SEC24C: variants seen among roughly 807,000 people sequenced by gnomAD.
SEC24C encodes SEC24 homolog C, COPII component.
A neutral mutation model predicts 117.0 loss-of-function variants in SEC24C; 22 were observed. The ratio of observed to expected loss-of-function variants is 0.19; its 90% CI spans 0.13 to 0.27. The LOEUF is 0.27. SEC24C is among the 10% of genes least tolerant of loss of function. SEC24C has a pLI of 1.00. For missense variants in SEC24C, 1,155 were observed against 1,375.1 expected (o/e 0.84, Z 2.53); for synonymous variants, 506 against 529.4 (o/e 0.96, Z 0.61).
intron 6 of SEC24C, chr10:73,761,955 G>A: frequency 2.3e-6 from 1 of 437,860 alleles, no homozygotes. Context: ...CATATCTAGA[G>A]GGGGCTTGAT....
Position 73,770,028 on chromosome 10 carries a change from G to A in SEC24C, c.2862+13G>A, listed in dbSNP as rs2082948920. On this transcript the variant is annotated intron_variant, in intron 20 of 22. Transcript: ENST00000345254. ...GCTCTTACCTTTGGTGCGATTGAGG[G>A]TTGGAGTATGAGATCTTGCACGGAG... 1 of 1,613,430 alleles carries A rather than the reference G, an allele frequency of 6.2e-7. No individual in the cohort carries two copies. Among genetic ancestry groups the A allele is most frequent in the Non-Finnish European group, 8.5e-7 (1 of 1,179,472 alleles).
chr10:73,745,571 G>A (rs1366212512), intron 1 of SEC24C, among the ~76,000 whole-genome samples: 2 of 102,128 alleles, frequency 2.0e-5, no homozygotes, highest in African/African-American at 3.3e-5. Flanking sequence ...TTTTTTGAAA[G>A]GGCGTCTTGC....
rs148462971 is a variant in SEC24C at position 73,769,143 on chromosome 10, T to C, written c.2415T>C (p.Ala805=). The C allele has an allele frequency of 1.2e-6, 2 of 1,613,864 alleles. No individual in the cohort carries two copies. Among genetic ancestry groups the C allele is most frequent in the Non-Finnish European group, 1.7e-6 (2 of 1,179,962 alleles). Residue 805 remains alanine, a synonymous_variant, in exon 17 of 23, where the codon GCT becomes GCC. Transcript: ENST00000345254. The surrounding 1 kb of genome is among the most constrained non-coding windows in gnomAD (Gnocchi z 4.5). ...ATCGGCTCAATGAAGAGAGCGGAGC[T>C]CTCCTGCAGGTGGCAGGCGGGAGGC... ...HDDRLNEESG[A]LLQCALLYTS...
intron 20 of SEC24C, 36 bp from the exon 21 acceptor site, chr10:73,770,244 T>A: frequency 6.4e-7 from 1 of 1,559,876 alleles, no homozygotes; most frequent in East Asian, 2.2e-5. Context: ...TGTCTTATGG[T>A]CCTTGGTAAC....
chr10:73,771,261 ACT>A lies in SEC24C; in HGVS notation c.*169_*170del, dbSNP rs1294370141. On this transcript the variant is annotated 3_prime_UTR_variant, in exon 23 of 23. Transcript: ENST00000345254. ...TCTTTCTGGGCTCAAGTATCCTGCCACTCTGTCATGTCCTGCTGATGGAAGGT... is the reference window on the plus strand; with the variant it reads ...TCTTTCTGGGCTCAAGTATCCTGCCACTGTCATGTCCTGCTGATGGAAGGT... 6.9e-6 allele frequency: 5 copies of A among 725,658 alleles called. No individual in the cohort carries two copies. The highest frequency in any genetic ancestry group is 3.6e-5 in the African/African-American group (2 of 56,008). The allele number at this position is 725,658 out of a possible 1,614,324, so 45.0% of individuals were successfully genotyped here. A position where few individuals can be genotyped will look rare whatever the true frequency, so the allele number is the denominator to read the frequency against.
intron 3 of SEC24C, among the ~76,000 whole-genome samples, chr10:73,757,096 T>C (rs918675315): frequency 6.7e-6 from 1 of 149,080 alleles, no homozygotes; most frequent in African/African-American, 2.5e-5. Context: ...ATTTTTTTAG[T>C]AGAGATGGAG....
Position 73,763,912 on chromosome 10 carries a change from G to A in SEC24C, c.1156G>A (p.Asp386Asn). The A allele has an allele frequency of 6.2e-7, 1 of 1,613,514 alleles. No homozygotes were observed. Among genetic ancestry groups the A allele is most frequent in the Non-Finnish European group, 8.5e-7 (1 of 1,179,824 alleles). Reference protein sequence around the residue: ...CTSYNIPCTSDMAKQAQVPLA... With the variant: ...CTSYNIPCTSNMAKQAQVPLA... ...ATCCTATAATATCCCTTGCACATCT[G>A]ACATGGCTAAGCAGGCTCAGGTGCC... Residue 386 changes from aspartate (D) to asparagine (N), a missense_variant, in exon 8 of 23, where the codon GAC becomes AAC. Transcript: ENST00000345254.
Position 73,769,854 on chromosome 10 carries a change from A to G in SEC24C, c.2701A>G (p.Met901Val), listed in dbSNP as rs1314447532. The G allele has an allele frequency of 1.2e-6, 2 of 1,614,070 alleles. No homozygotes were observed. The highest frequency in any genetic ancestry group is 1.7e-6 in the Non-Finnish European group (2 of 1,180,040). Residue 901 changes from methionine to valine, a missense_variant, in exon 20 of 23, where the codon ATG becomes GTG. Around this residue, in one of 2 missense-constraint regions of SEC24C, gnomAD observed 759 missense variants for 992.3 expected, o/e 0.76. Transcript: ENST00000345254. This position sits in a 1 kb window ranked among gnomAD's most constrained non-coding sequence, Gnocchi z 4.5. ...CCCTCAGTTGATCCTTCCTGAGTGC[A>G]TGAAGCTACTCCCAGTTTACCTGAA... ...SAGQLILPEC[M>V]KLLPVYLNCV... is the part of the protein sequence containing the mutation.
Position 73,763,482 on chromosome 10 carries a change from C to G in SEC24C, c.988-8C>G. On this transcript the variant is annotated splice_region_variant and splice_polypyrimidine_tract_variant and intron_variant, in intron 6 of 22. Transcript: ENST00000345254. ...TTCTGTCACCTCATTCATTGCACTT[C>G]TCTGCAGATTCAGGTCATTGAAGAT... is the stretch of plus-strand genomic sequence containing the variant. 1 of 1,576,584 alleles carries G rather than the reference C, an allele frequency of 6.3e-7. No homozygotes were observed. The highest frequency in any genetic ancestry group is 8.7e-7 in the Non-Finnish European group (1 of 1,146,654).
chr10:73,768,135 G>A lies in SEC24C; in HGVS notation c.2181+128G>A, dbSNP rs1565048392. On this transcript the variant is annotated intron_variant, in intron 15 of 22. Coordinates refer to ENST00000345254, the MANE Select transcript of SEC24C (RefSeq NM_198597.3). ...ACGGTGCCTCACACCTGTAATCCTAGCACTTTGGGAGGCTGAGGCAGGCAG... is the reference window on the plus strand; with the variant it reads ...ACGGTGCCTCACACCTGTAATCCTAACACTTTGGGAGGCTGAGGCAGGCAG... 1.8e-5 allele frequency: 15 copies of A among 841,328 alleles called. No homozygotes were observed. In the South Asian group the frequency reaches 2.5e-4, roughly 14 times the overall value. 52.1% of individuals were successfully genotyped at this position (841,328 alleles called of 1,614,324 possible). A position where few individuals can be genotyped will look rare whatever the true frequency, so the allele number is the denominator to read the frequency against.
At chr10:73,749,731 A>G (rs933964977) in intron 2 of SEC24C, among the ~76,000 whole-genome samples, 21 of 151,822 alleles carry the variant, frequency 1.4e-4, no homozygotes, top group Admixed American at 4.6e-4. Context: ...TTTAGTAGAG[A>G]CAGGGTTTCA....
chr10:73,770,325 G>A lies in SEC24C; in HGVS notation c.2908G>A (p.Ala970Thr), dbSNP rs2082956418. Reference protein sequence around the residue: ...ESTTEPPAVRASEERLSNGDI... With the variant: ...ESTTEPPAVRTSEERLSNGDI... ...TACTACCGAACCACCAGCAGTTCGA[G>A]CCTCTGAAGAGCGTCTAAGCAATGG... Residue 970 changes from alanine (A) to threonine (T), a missense_variant, in exon 21 of 23, where the codon GCC (alanine) becomes ACC (threonine). Transcript: ENST00000345254. The A allele has an allele frequency of 6.2e-7, 1 of 1,613,692 alleles. No homozygotes were observed. The highest frequency in any genetic ancestry group is 2.2e-5 in the East Asian group (1 of 44,880).
intron 1 of SEC24C, among the ~76,000 whole-genome samples, chr10:73,745,631 C>A (rs1304234230): frequency 2.0e-5 from 3 of 151,846 alleles, no homozygotes; most frequent in East Asian, 4.0e-4. Context: ...TTATTGCAAT[C>A]TCCGCCTCCC....
chr10:73,766,970 T>C, intron 13 of SEC24C, 84 bp from the exon 14 acceptor site: 2 of 1,381,986 alleles, frequency 1.4e-6, no homozygotes, highest in Non-Finnish European at 2.1e-6. Flanking sequence ...TGTTAGACTG[T>C]CTGACATAGC....
At chr10:73,757,147 C>T (rs1474033858) in intron 3 of SEC24C, among the ~76,000 whole-genome samples, 2 of 147,820 alleles carry the variant, frequency 1.4e-5, no homozygotes, top group Admixed American at 6.7e-5. Context: ...CTCCTGACCT[C>T]AAATGATCCA....
intron 1 of SEC24C, 82 bp from the exon 2 acceptor site, chr10:73,746,721 ATT>A: frequency 1.1e-6 from 1 of 894,110 alleles, no homozygotes; most frequent in Non-Finnish European, 1.7e-6. Context: ...GATAAGGTCA[ATT>A]TCTTTTTATC....
At chr10:73,767,230 C>T (rs922211214) in intron 14 of SEC24C, 60 bp downstream of exon 14, 66 of 1,138,724 alleles carry the variant, frequency 5.8e-5, no homozygotes, top group Non-Finnish European at 8.0e-5. Flanking sequence ...AGTGGGGACT[C>T]TACTTTCTTG....
chr10:73,768,684 T>A, intron 15 of SEC24C, 126 bp from the exon 16 acceptor site: 1 of 824,572 alleles, frequency 1.2e-6, no homozygotes, highest in Non-Finnish European at 2.0e-6. Context: ...TCATCATCAT[T>A]ATCATCCTCA....
At chr10:73,766,934 C>A in intron 13 of SEC24C, 81 bp downstream of exon 13, 1 of 1,428,406 alleles carries the variant, frequency 7.0e-7, no homozygotes, top group Non-Finnish European at 9.9e-7. Context: ...ACCTCTCTTT[C>A]TTCAGTAGTG....
Sources: gnomAD v4.1 joint callset for allele counts (sites outside exome capture counted in the v4.1 genomes callset) on GRCh38, gnomAD v4.1.1 for gene constraint, gnomAD v4.1.1 regional missense constraint, Gnocchi (gnomAD v3.1) non-coding constraint, MANE v1.5 for transcripts, NCBI Gene and HGNC (gene_info 2026-07-23, HGNC 2026-07-21) for gene names.